XPO6: variants seen among roughly 807,000 people sequenced by gnomAD.
XPO6 encodes the protein exportin 6.
A neutral mutation model predicts 130.0 loss-of-function variants in XPO6; 3 were observed. That is an observed-to-expected ratio of 0.02 (90% CI 0.01 to 0.06). The LOEUF is 0.06. Among genes scored for constraint, XPO6 ranks in the 10% least tolerant of loss-of-function variants. The pLI is 1.00. For synonymous variants in XPO6, 524 were observed against 548.9 expected (o/e 0.95, Z 0.63); for missense variants, 970 against 1,393.0 (o/e 0.70, Z 4.83).
At chr16:28,111,738 C>T (rs1361307823) in intron 17 of XPO6, 79 bp downstream of exon 17, 21 of 1,526,180 alleles carry the variant, frequency 1.4e-5, no homozygotes, top group Non-Finnish European at 1.9e-5. Context: ...CAGGAGCCTC[C>T]GGGGCAAATC....
intron 23 of XPO6, among the ~76,000 whole-genome samples, chr16:28,099,658 G>T (rs1014491844): frequency 6.6e-6 from 1 of 152,210 alleles, no homozygotes; most frequent in Non-Finnish European, 1.5e-5. Flanking sequence ...TCAGAGGCTT[G>T]TTAGAAGGCT....
rs538819945 is a variant in XPO6, at chr16:28,106,926, G to A, written c.2498-429C>T. ...TAAGTGGTTGAAAGTGGATAATGAAGGTGTATTTAGGTTGCATGGCCCTGG... is the reference window on the plus strand; with the variant it reads ...TAAGTGGTTGAAAGTGGATAATGAAAGTGTATTTAGGTTGCATGGCCCTGG... On this transcript the variant is annotated intron_variant, in intron 18 of 23. Transcript: ENST00000304658. This position sits in a 1 kb window ranked among gnomAD's most constrained non-coding sequence, Gnocchi z 4.2. Among the ~76,000 whole-genome samples the A allele has an allele frequency of 1.3e-5, 2 of 152,286 alleles. No homozygotes were observed. The highest frequency in any genetic ancestry group is 4.1e-4 in the South Asian group (2 of 4,828).
chr16:28,106,717 G>C lies in XPO6; in HGVS notation c.2498-220C>G, dbSNP rs1471189081. Among the ~76,000 whole-genome samples, 1 of 152,170 alleles carries C rather than the reference G, an allele frequency of 6.6e-6. No individual in the cohort carries two copies. The highest frequency in any genetic ancestry group is 1.5e-5 in the Non-Finnish European group (1 of 68,020). On this transcript the variant is annotated intron_variant, in intron 18 of 23. Transcript: ENST00000304658. The surrounding 1 kb of genome is among the most constrained non-coding windows in gnomAD (Gnocchi z 4.2). Reference sequence around the variant, plus strand: ...TGGTATAGGGAACCTCCACCTGGTGGCTCACTACAGGAAATGAAGGTCATC... The same window carrying C: ...TGGTATAGGGAACCTCCACCTGGTGCCTCACTACAGGAAATGAAGGTCATC...
Position 28,160,175 on chromosome 16 carries a change from C to A in XPO6, c.644-3648G>T, listed in dbSNP as rs112618127. 4.3e-3 allele frequency among the ~76,000 whole-genome samples: 442 copies of A among 101,676 alleles called. 4 individuals are homozygous for A. The highest frequency in any genetic ancestry group is 0.017 in the African/African-American group (426 of 24,796). The allele number at this position is 101,676 out of a possible 152,430, so 66.7% of individuals were successfully genotyped here. The stretch of plus-strand genomic sequence containing the variant: ...ACTCCAGCCTGGGCAACAGAGCAAG[C>A]CTCCGTCTTAAAAAAAAAAAAAAAA... On this transcript the variant is annotated intron_variant, in intron 6 of 23. Coordinates refer to ENST00000304658, the MANE Select transcript of XPO6 (RefSeq NM_015171.4).
At chr16:28,162,206 T>C (rs2043288100) in intron 6 of XPO6, among the ~76,000 whole-genome samples, 1 of 152,248 alleles carries the variant, frequency 6.6e-6, no homozygotes, top group Non-Finnish European at 1.5e-5. Flanking sequence ...ACAACTCATT[T>C]GCCTAAAAAG....
chr16:28,120,068 C>T (rs1213031611), intron 14 of XPO6, among the ~76,000 whole-genome samples: 1 of 152,184 alleles, frequency 6.6e-6, no homozygotes, highest in African/African-American at 2.4e-5. Context: ...TGGACTTGAA[C>T]TCCTGACCTC....
In XPO6 at chr16:28,211,415, G is replaced by C; in HGVS notation, c.-47C>G. ...TCAGATGAGCTGGTTCTTGGGCTTC[G>C]GACACGTCCCGCTCGCACAGTTCAG... is the stretch of plus-strand genomic sequence containing the variant. On this transcript the variant is annotated 5_prime_UTR_variant, in exon 1 of 24. Coordinates refer to ENST00000304658, the MANE Select transcript of XPO6 (RefSeq NM_015171.4). The C allele has an allele frequency of 1.5e-6, 2 of 1,311,340 alleles. No individual in the cohort carries two copies. The highest frequency in any genetic ancestry group is 3.2e-5 in the South Asian group (1 of 31,268). The allele number at this position is 1,311,340 out of a possible 1,614,324, so 81.2% of individuals were successfully genotyped here. A position where few individuals can be genotyped will look rare whatever the true frequency, so the allele number is the denominator to read the frequency against.
rs2086733687 is a variant in XPO6, at chr16:28,104,706, C to T, written c.2786G>A (p.Arg929His). ...MEQVYPIIAE[R>H]PSPDVKAELF... ...CTCGGCCTTCACATCAGGGGAGGGA[C>T]GCTGCAAAGACACACAGACGCTCAG... Residue 929 changes from arginine to histidine, a missense_variant and splice_region_variant, in exon 21 of 24, where the codon CGT becomes CAT. Physicochemically the swap from Arg to His is conservative, Grantham distance 29 (BLOSUM62 0). Around this residue, in one of 4 missense-constraint regions of XPO6, gnomAD observed 936 missense variants for 1,306.8 expected, o/e 0.72. Coordinates refer to ENST00000304658, the MANE Select transcript of XPO6 (RefSeq NM_015171.4). 3 of 1,613,784 alleles carry T rather than the reference C, an allele frequency of 1.9e-6. No homozygotes were observed. The highest frequency in any genetic ancestry group is 2.5e-6 in the Non-Finnish European group (3 of 1,180,032).
At chr16:28,160,641 C>T (rs140821929) in intron 6 of XPO6, among the ~76,000 whole-genome samples, 14 of 151,278 alleles carry the variant, frequency 9.3e-5, no homozygotes, top group Non-Finnish European at 1.6e-4. Flanking sequence ...ATTTGATGTT[C>T]TTTCTATGTA....
chr16:28,210,751 CA>C (rs2044115986), intron 1 of XPO6, among the ~76,000 whole-genome samples: 1 of 152,220 alleles, frequency 6.6e-6, no homozygotes, highest in Non-Finnish European at 1.5e-5. Flanking sequence ...GCCTCAGTGT[CA>C]AAAGATCACG....
chr16:28,104,416 A>G, intron 21 of XPO6, 130 bp downstream of exon 21: 4 of 1,180,974 alleles, frequency 3.4e-6, no homozygotes, highest in Non-Finnish European at 4.7e-6. Context: ...CCAAGAAATT[A>G]ATTAACTTCA....
intron 6 of XPO6, among the ~76,000 whole-genome samples, chr16:28,159,714 G>T (rs1169582978): frequency 6.6e-6 from 1 of 152,144 alleles, no homozygotes; most frequent in Non-Finnish European, 1.5e-5. Context: ...AAAATACATG[G>T]TCTAAAATTA....
chr16:28,119,666 A>G (rs1179955675), intron 14 of XPO6, among the ~76,000 whole-genome samples: 6 of 152,200 alleles, frequency 3.9e-5, no homozygotes, highest in East Asian at 1.9e-4. Flanking sequence ...AGAAAAAAAA[A>G]AGATACAAAA....
chr16:28,203,520 G>A (rs985706988), intron 1 of XPO6, among the ~76,000 whole-genome samples: 2 of 152,054 alleles, frequency 1.3e-5, no homozygotes, highest in East Asian at 1.9e-4. Context: ...TGTCAACAGC[G>A]CCACAACTGC....
At chr16:28,133,806 C>T (rs556050340) in intron 11 of XPO6, 35 bp downstream of exon 11, 28 of 1,605,482 alleles carry the variant, frequency 1.7e-5, no homozygotes, top group Middle Eastern at 3.3e-4. Flanking sequence ...ACAGAGAAAT[C>T]GCTACACTCT....
At chr16:28,143,165 C>T (rs550295949) in intron 9 of XPO6, among the ~76,000 whole-genome samples, 2 of 152,372 alleles carry the variant, frequency 1.3e-5, no homozygotes, top group African/African-American at 4.8e-5. Flanking sequence ...GCCAGAACAA[C>T]TGACAACTGT....
chr16:28,111,914 G>A lies in XPO6; in HGVS notation c.2244C>T (p.Ser748=), dbSNP rs780913519. 1 of 1,614,138 alleles carries A rather than the reference G, an allele frequency of 6.2e-7. No homozygotes were observed. The highest frequency in any genetic ancestry group is 8.5e-7 in the Non-Finnish European group (1 of 1,180,026). Residue 748 remains serine (S), a synonymous_variant, in exon 17 of 24, where the codon TCC becomes TCT. Coordinates refer to ENST00000304658, the MANE Select transcript of XPO6 (RefSeq NM_015171.4). ...PENEQQWPVR[S]INHASLISAL... The stretch of plus-strand genomic sequence containing the variant: ...CAGAGATGAGGCTGGCGTGGTTGAT[G>A]GAGCGCACGGGCCACTGCTGCTCAT...
intron 1 of XPO6, among the ~76,000 whole-genome samples, chr16:28,187,054 C>G (rs2043707018): frequency 6.6e-6 from 1 of 151,966 alleles, no homozygotes; most frequent in Admixed American, 6.6e-5. Context: ...CCTCAGAAGA[C>G]CAAAGAGAAA....
intron 1 of XPO6, among the ~76,000 whole-genome samples, chr16:28,208,034 T>C (rs1036850632): frequency 6.6e-6 from 1 of 151,488 alleles, no homozygotes; most frequent in Non-Finnish European, 1.5e-5. Flanking sequence ...TAATCCCAGC[T>C]ACTCAGGAGG....
Sources: allele counts gnomAD v4.1 joint callset (sites outside exome capture counted in the v4.1 genomes callset), GRCh38; gene constraint gnomAD v4.1.1; regional missense constraint gnomAD v4.1.1; non-coding constraint Gnocchi (gnomAD v3.1); transcripts MANE v1.5; gene names NCBI Gene and HGNC (gene_info 2026-07-23, HGNC 2026-07-21).